The following LMBR1 variants were observed in gnomAD, a reference collection of about 807,000 sequenced individuals.
LMBR1 encodes limb region 1 protein homolog.
Under a neutral mutation model 73.9 loss-of-function variants are expected in LMBR1, and 52 were observed. That is an observed-to-expected ratio of 0.70 (90% CI 0.56 to 0.89). The LOEUF (loss-of-function observed/expected upper bound fraction) is 0.89. Ranked by LOEUF, LMBR1 falls within the 40% of genes least tolerant of loss-of-function variation. The pLI, the probability that LMBR1 is intolerant of heterozygous loss-of-function variation, is 0.00. For synonymous variants in LMBR1, 215 were observed against 209.4 expected, an observed-to-expected ratio of 1.03 and a Z score of -0.23; for missense variants, 539 against 579.8, an observed-to-expected ratio of 0.93 and a Z score of 0.72.
intron 15 of LMBR1, among the ~76,000 whole-genome samples, chr7:156,698,398 C>T (rs1459350115): frequency 6.6e-6 from 1 of 152,230 alleles, no homozygotes; most frequent in Admixed American, 6.5e-5. Flanking sequence ...GGGGCTCTGA[C>T]CCCACATTTT....
intron 1 of LMBR1, among the ~76,000 whole-genome samples, chr7:156,872,879 ACGCT>A (rs1586377014): frequency 6.6e-6 from 1 of 152,158 alleles, no homozygotes; most frequent in East Asian, 1.9e-4. Flanking sequence ...GAACCGAAAG[ACGCT>A]CTGAAAGAAG....
chr7:156,676,800 A>G (rs571422050), downstream of LMBR1: 19 of 638,670 alleles, frequency 3.0e-5, no homozygotes, highest in South Asian at 3.3e-4. Flanking sequence ...AAATCTTAGT[A>G]TATTTTAAAA....
At chr7:156,689,796 C>T (rs1457661614) in intron 15 of LMBR1, among the ~76,000 whole-genome samples, 6 of 152,114 alleles carry the variant, frequency 3.9e-5, no homozygotes, top group African/African-American at 1.4e-4. Flanking sequence ...CTCAGCTATT[C>T]ATATTAATAA....
intron 5 of LMBR1, among the ~76,000 whole-genome samples, chr7:156,789,755 T>C (rs1361587967): frequency 6.6e-6 from 1 of 152,242 alleles, no homozygotes; most frequent in African/African-American, 2.4e-5. Context: ...CTAGTAGCAC[T>C]AAATCTGACA....
In LMBR1 at chr7:156,736,077, C is replaced by T. The variant is rs571296972; in HGVS notation, c.758-1820G>A. 3.3e-5 allele frequency among the ~76,000 whole-genome samples: 5 copies of T among 152,294 alleles called. No individual in the cohort carries two copies. In the South Asian group the frequency reaches 8.3e-4, roughly 25 times the overall value. ...TGACTCAGTCCCGAGTACTCCCAGT[C>T]TGTATGTCACTATGAGGAAGAATAA... On this transcript the variant is annotated intron_variant, in intron 9 of 16. Transcript: ENST00000353442.
At chr7:156,827,655 A>C (rs1757499398) in intron 3 of LMBR1, among the ~76,000 whole-genome samples, 1 of 152,180 alleles carries the variant, frequency 6.6e-6, no homozygotes, top group South Asian at 2.1e-4. Flanking sequence ...TGGATATTAA[A>C]GTTCTATTAA....
At chr7:156,868,289 G>A (rs780142540) in intron 1 of LMBR1, among the ~76,000 whole-genome samples, 5 of 151,618 alleles carry the variant, frequency 3.3e-5, no homozygotes, top group Non-Finnish European at 5.9e-5. Context: ...CACCTCCCGG[G>A]TTCAAGTAAT....
intron 5 of LMBR1, among the ~76,000 whole-genome samples, chr7:156,787,727 G>A (rs1449767739): frequency 6.6e-6 from 1 of 152,130 alleles, no homozygotes; most frequent in East Asian, 1.9e-4. Context: ...AACATTCCAT[G>A]TCTAAGTTGT....
At chr7:156,772,705 G>T (rs577183251) in intron 5 of LMBR1, among the ~76,000 whole-genome samples, 2 of 152,136 alleles carry the variant, frequency 1.3e-5, no homozygotes, top group South Asian at 4.1e-4. Context: ...AAAATTAGCT[G>T]GGCGTGGTGG....
Position 156,669,495 on chromosome 7 carries a change from C to T in LMBR1, n.867-208G>A, listed in dbSNP as rs1478197060. Among the ~76,000 whole-genome samples, 1 of 152,126 alleles carries T rather than the reference C, an allele frequency of 6.6e-6. No individual in the cohort carries two copies. The highest frequency in any genetic ancestry group is 1.5e-5 in the Non-Finnish European group (1 of 68,016). On this transcript the variant is annotated intron_variant and non_coding_transcript_variant, in intron 4 of 4. Coordinates refer to the LMBR1 transcript ENST00000430825. The surrounding 1 kb of genome is among the most constrained non-coding windows in gnomAD (Gnocchi z 4.2). Reference sequence around the variant, plus strand: ...ACCTCTGTCCAGGCAGAGGGCAGCACGGCTTAGCATGTGGGAGGGGCAGGC... The same window carrying T: ...ACCTCTGTCCAGGCAGAGGGCAGCATGGCTTAGCATGTGGGAGGGGCAGGC...
intron 15 of LMBR1, among the ~76,000 whole-genome samples, chr7:156,715,837 T>G (rs886151561): frequency 2.0e-5 from 3 of 152,244 alleles, no homozygotes; most frequent in African/African-American, 7.2e-5. Flanking sequence ...CGATGGACAC[T>G]TTGATTGTTT....
At chr7:156,757,347 T>C (rs891819207) in intron 8 of LMBR1, among the ~76,000 whole-genome samples, 2 of 152,164 alleles carry the variant, frequency 1.3e-5, no homozygotes, top group Non-Finnish European at 2.9e-5. Flanking sequence ...AAACACTCCA[T>C]GAATATTAAA....
intron 4 of LMBR1, among the ~76,000 whole-genome samples, chr7:156,810,883 A>G (rs1035790607): frequency 6.6e-6 from 1 of 150,568 alleles, no homozygotes; most frequent in African/African-American, 2.4e-5. Flanking sequence ...ATCTTGGCTC[A>G]CTACAACCTC....
rs116566200 is a variant in LMBR1, at chr7:156,862,978, A to G, written c.67-26093T>C. On this transcript the variant is annotated intron_variant, in intron 1 of 16. Transcript: ENST00000353442. Reference sequence around the variant, plus strand: ...CAGACCATGGGACTTGTCAGTCTCCATAATCACGGAGCCAATCACTTATAA... The same window carrying G: ...CAGACCATGGGACTTGTCAGTCTCCGTAATCACGGAGCCAATCACTTATAA... Among the ~76,000 whole-genome samples the G allele has an allele frequency of 3.7e-3, 560 of 152,330 alleles. 6 individuals are homozygous for G. The highest frequency in any genetic ancestry group is 0.013 in the African/African-American group (538 of 41,586).
At chr7:156,799,481 A>G (rs904320952) in intron 4 of LMBR1, among the ~76,000 whole-genome samples, 3 of 152,296 alleles carry the variant, frequency 2.0e-5, no homozygotes, top group Middle Eastern at 6.8e-3. Flanking sequence ...GGGCGCTGCA[A>G]ATTGTGCCCA....
At chr7:156,791,640 G>A (rs562646904) in intron 5 of LMBR1, among the ~76,000 whole-genome samples, 12 of 152,106 alleles carry the variant, frequency 7.9e-5, no homozygotes, top group East Asian at 3.9e-4. Flanking sequence ...AGAACTCTTC[G>A]CTTCCACCTG....
intron 10 of LMBR1, among the ~76,000 whole-genome samples, chr7:156,731,522 A>G (rs1313171730): frequency 6.6e-6 from 1 of 152,238 alleles, no homozygotes; most frequent in Non-Finnish European, 1.5e-5. Flanking sequence ...GCCCTTTGAA[A>G]GAGCAACAAC....
intron 4 of LMBR1, among the ~76,000 whole-genome samples, chr7:156,812,374 CAG>C (rs1342657053): frequency 6.6e-6 from 1 of 151,978 alleles, no homozygotes; most frequent in African/African-American, 2.4e-5. Flanking sequence ...CACAAGAGCG[CAG>C]AGGACTTTCT....
chr7:156,740,245 G>A (rs1268443598), intron 9 of LMBR1, among the ~76,000 whole-genome samples: 2 of 152,050 alleles, frequency 1.3e-5, no homozygotes, highest in Non-Finnish European at 2.9e-5. Context: ...GCATGCCTAC[G>A]ATAGCTAGAA....
Sources: gnomAD v4.1 joint callset for allele counts (sites outside exome capture counted in the v4.1 genomes callset) on GRCh38, gnomAD v4.1.1 for gene constraint, Gnocchi (gnomAD v3.1) non-coding constraint, MANE v1.5 for transcripts, NCBI Gene and HGNC (gene_info 2026-07-23, HGNC 2026-07-21) for gene names.